Variants in ARFGEF3 observed in about 807,000 individuals in gnomAD.
The protein encoded by ARFGEF3 is ARFGEF family member 3, also known as brefeldin A-inhibited guanine nucleotide-exchange protein 3.
In ARFGEF3, 96 loss-of-function variants were observed where a neutral mutation model predicts 221.7. That is an observed-to-expected ratio of 0.43 (90% CI 0.37 to 0.51). The LOEUF (loss-of-function observed/expected upper bound fraction) is 0.51, where lower values mean the gene tolerates loss of function less well. Ranked by LOEUF, ARFGEF3 falls within the 20% of genes least tolerant of loss-of-function variation. ARFGEF3 has a pLI of 0.00. For missense variants in ARFGEF3, 2,410 were observed against 2,789.9 expected (o/e 0.86, Z 3.07); for synonymous variants, 1,145 against 1,126.8 (o/e 1.02, Z -0.32).
chr6:138,202,874 A>G (rs1455387297), intron 2 of ARFGEF3, among the ~76,000 whole-genome samples: 1 of 151,896 alleles, frequency 6.6e-6, no homozygotes, highest in Non-Finnish European at 1.5e-5. Flanking sequence ...CTACACATAC[A>G]CCTACACACA....
At chr6:138,208,938 CTGTT>C (rs1030230348) in intron 3 of ARFGEF3, among the ~76,000 whole-genome samples, 5 of 152,162 alleles carry the variant, frequency 3.3e-5, no homozygotes, top group Non-Finnish European at 7.4e-5. Flanking sequence ...GAAGCTTAAT[CTGTT>C]TGTCTCTGGG....
At chr6:138,263,638 G>C in intron 12 of ARFGEF3, 27 bp downstream of exon 12, 1 of 1,558,730 alleles carries the variant, frequency 6.4e-7, no homozygotes, top group South Asian at 1.2e-5. Flanking sequence ...CTGCTGTATA[G>C]TCAACAAGAT....
At chr6:138,260,844 A>G (rs897451378) in intron 10 of ARFGEF3, among the ~76,000 whole-genome samples, 47 of 152,196 alleles carry the variant, frequency 3.1e-4, no homozygotes, top group African/African-American at 9.6e-4. Flanking sequence ...GATATTACAC[A>G]CATTAAAGAA....
intron 10 of ARFGEF3, among the ~76,000 whole-genome samples, chr6:138,257,826 A>C (rs1348932751): frequency 6.6e-6 from 1 of 152,210 alleles, no homozygotes; most frequent in Non-Finnish European, 1.5e-5. Flanking sequence ...GAGTTTTCTC[A>C]TCTGTACATT....
At position 138,336,438 on chromosome 6, in the gene ARFGEF3, G is replaced by C; in HGVS notation, c.6486G>C (p.Val2162=). 1 of 1,613,244 alleles carries C rather than the reference G, an allele frequency of 6.2e-7. No individual in the cohort carries two copies. The highest frequency in any genetic ancestry group is 8.5e-7 in the Non-Finnish European group (1 of 1,179,606). The change falls in exon 34 of 34, where the codon GTG becomes GTC. Residue 2162 remains valine (V), a synonymous_variant. Coordinates refer to ENST00000251691, the MANE Select transcript of ARFGEF3 (RefSeq NM_020340.5). The part of the protein sequence containing the change: ...HVTDIRVRQA[V]REWLGRVGRV... Reference sequence around the variant, plus strand: ...CCGACATCAGAGTTCGCCAGGCTGTGAGGGAGTGGCTGGGCAGGGTGGGCC... The same window carrying C: ...CCGACATCAGAGTTCGCCAGGCTGTCAGGGAGTGGCTGGGCAGGGTGGGCC...
Position 138,334,172 on chromosome 6 carries a change from G to A in ARFGEF3, c.5326G>A (p.Asp1776Asn). The A allele has an allele frequency of 1.2e-6, 2 of 1,613,848 alleles. No individual in the cohort carries two copies. Among genetic ancestry groups the A allele is most frequent in the Non-Finnish European group, 1.7e-6 (2 of 1,179,844 alleles). The change falls in exon 33 of 34, where the codon GAC becomes AAC. Residue 1776 changes from aspartate to asparagine, a missense_variant. Physicochemically the swap from Asp to Asn is conservative, Grantham distance 23. Coordinates refer to ENST00000251691, the MANE Select transcript of ARFGEF3 (RefSeq NM_020340.5). The surrounding 1 kb of genome is among the most constrained non-coding windows in gnomAD (Gnocchi z 5.1). The part of the protein sequence containing the change: ...NLAVIFDLLL[D>N]SYRTAREFDT... Reference sequence around the variant, plus strand: ...GGCAGTCATATTCGACCTGCTGCTGGACTCTTATAGGACTGCCAGGGAGTT... The same window carrying A: ...GGCAGTCATATTCGACCTGCTGCTGAACTCTTATAGGACTGCCAGGGAGTT...
intron 11 of ARFGEF3, among the ~76,000 whole-genome samples, 154 bp from the exon 12 acceptor site, chr6:138,262,547 C>A (rs906948718): frequency 1.3e-5 from 2 of 152,196 alleles, no homozygotes; most frequent in Non-Finnish European, 2.9e-5. Context: ...ATGTTTGTTT[C>A]TTTTATTCAT....
At chr6:138,247,649 G>A (rs188777636) in intron 8 of ARFGEF3, among the ~76,000 whole-genome samples, 4 of 152,254 alleles carry the variant, frequency 2.6e-5, no homozygotes, top group Admixed American at 6.5e-5. Flanking sequence ...TAAAACCCAC[G>A]CTTTGCCCCT....
At chr6:138,318,673 A>C (rs1302470041) in intron 27 of ARFGEF3, among the ~76,000 whole-genome samples, 1 of 152,222 alleles carries the variant, frequency 6.6e-6, no homozygotes, top group Non-Finnish European at 1.5e-5. Flanking sequence ...GATTATCTCT[A>C]GATGAGTTTT....
intron 10 of ARFGEF3, 62 bp downstream of exon 10, chr6:138,255,831 C>T: frequency 7.5e-7 from 1 of 1,337,322 alleles, no homozygotes; most frequent in South Asian, 1.5e-5. Flanking sequence ...GTTTCGCATA[C>T]AAGAAGCGCT....
chr6:138,211,663 C>T lies in ARFGEF3; in HGVS notation c.351+1622C>T, dbSNP rs140727667. ...GATTACATATTATTCTGGAAATTCT[C>T]CCAGGAATAGTTTTTGTGGAATACA... is the stretch of plus-strand genomic sequence containing the variant. On this transcript the variant is annotated intron_variant, in intron 4 of 33. Coordinates refer to ENST00000251691, the MANE Select transcript of ARFGEF3 (RefSeq NM_020340.5). Among the ~76,000 whole-genome samples, 519 of 152,198 alleles carry T rather than the reference C, an allele frequency of 3.4e-3. 1 individual carries two copies. The highest frequency in any genetic ancestry group is 5.5e-3 in the Non-Finnish European group (375 of 68,002).
intron 2 of ARFGEF3, among the ~76,000 whole-genome samples, chr6:138,187,127 T>G (rs988771502): frequency 2.0e-5 from 3 of 151,974 alleles, no homozygotes; most frequent in Non-Finnish European, 4.4e-5. Context: ...GTTGATCAGG[T>G]TGGTCTCGAA....
intron 4 of ARFGEF3, among the ~76,000 whole-genome samples, chr6:138,212,188 C>T (rs1777739416): frequency 6.6e-6 from 1 of 152,096 alleles, no homozygotes; most frequent in African/African-American, 2.4e-5. Context: ...ACATAGTTAT[C>T]ACTTTTGTGG....
chr6:138,264,633 A>AT (rs2114594054), intron 12 of ARFGEF3, among the ~76,000 whole-genome samples: 1 of 152,320 alleles, frequency 6.6e-6, no homozygotes, highest in Admixed American at 6.5e-5. Context: ...TCATGTGTTA[A>AT]TGCATCCACC....
chr6:138,214,286 T>C lies in ARFGEF3; in HGVS notation c.351+4245T>C, dbSNP rs572135103. Among the ~76,000 whole-genome samples, 22 of 152,348 alleles carry C rather than the reference T, an allele frequency of 1.4e-4. No homozygotes were observed. The East Asian group carries it at 3.3e-3, about 23-fold the overall frequency. On this transcript the variant is annotated intron_variant, in intron 4 of 33. Transcript: ENST00000251691. ...GGATTTCCATTACATCTGAAGGGTA[T>C]GTTAATTTAGTCTTGGCACTTCTAC...
chr6:138,188,814 G>C (rs1198492275), intron 2 of ARFGEF3, among the ~76,000 whole-genome samples: 1 of 152,202 alleles, frequency 6.6e-6, no homozygotes, highest in Admixed American at 6.5e-5. Flanking sequence ...GCTGGAAGAG[G>C]GAGGTATAGG....
chr6:138,289,836 A>G lies in ARFGEF3; in HGVS notation c.2915A>G (p.Gln972Arg). The G allele has an allele frequency of 6.2e-7, 1 of 1,613,860 alleles. No individual in the cohort carries two copies. ...GGCACAGTGAAACTAAAAGTGGAGC[A>G]GAAACTGGAGCAGATTGGGAAGGTG... ...AITQVKLKVE[Q>R]KLEQIGKVQG... is the part of the protein sequence containing the mutation. Residue 972 changes from glutamine to arginine, a missense_variant, in exon 18 of 34, where the codon CAG becomes CGG. Gln to Arg is a conservative substitution (Grantham distance 43). Around this residue, in one of 5 missense-constraint regions of ARFGEF3, gnomAD observed 594 missense variants for 734.3 expected, o/e 0.81. Coordinates refer to ENST00000251691, the MANE Select transcript of ARFGEF3 (RefSeq NM_020340.5).
chr6:138,270,112 G>A (rs1778975542), intron 12 of ARFGEF3, among the ~76,000 whole-genome samples: 2 of 152,112 alleles, frequency 1.3e-5, no homozygotes, highest in Admixed American at 1.3e-4. Flanking sequence ...GGAGCTCTCT[G>A]GAAGCGCCAC....
In ARFGEF3 at chr6:138,245,743, A is replaced by G. The variant is rs115393325; in HGVS notation, c.665+152A>G. On this transcript the variant is annotated intron_variant, in intron 8 of 33. Transcript: ENST00000251691. ...CCTAAACGCTGTTATTTACTAAGGAATATATTCTGAAAGTTGGTGCAGTTC... is the reference window on the plus strand; with the variant it reads ...CCTAAACGCTGTTATTTACTAAGGAGTATATTCTGAAAGTTGGTGCAGTTC... 9.1e-3 allele frequency among the ~76,000 whole-genome samples: 1,388 copies of G among 152,334 alleles called. 16 individuals are homozygous for G. The highest frequency in any genetic ancestry group is 0.031 in the African/African-American group (1,288 of 41,570).
Sources: gnomAD v4.1 joint callset for allele counts (sites outside exome capture counted in the v4.1 genomes callset) on GRCh38, gnomAD v4.1.1 for gene constraint, gnomAD v4.1.1 regional missense constraint, Gnocchi (gnomAD v3.1) non-coding constraint, MANE v1.5 for transcripts, NCBI Gene and HGNC (gene_info 2026-07-23, HGNC 2026-07-21) for gene names.